GALNT5: variants seen among roughly 807,000 people sequenced by gnomAD.
The protein encoded by GALNT5 is polypeptide N-acetylgalactosaminyltransferase 5.
Under a neutral mutation model 85.4 loss-of-function variants are expected in GALNT5, and 72 were observed. That is an observed-to-expected ratio of 0.84 (90% CI 0.70 to 1.03). The LOEUF (loss-of-function observed/expected upper bound fraction) is 1.03, where lower values mean the gene tolerates loss of function less well. Among genes scored for constraint, GALNT5 ranks in the 50% least tolerant of loss-of-function variants. GALNT5 has a pLI of 0.00. For missense variants in GALNT5, 1,137 were observed against 1,135.5 expected (o/e 1.00, Z -0.02); for synonymous variants, 404 against 397.0 (o/e 1.02, Z -0.21).
chr2:157,298,197 TG>T (rs1373467498), intron 5 of GALNT5, among the ~76,000 whole-genome samples: 2 of 152,138 alleles, frequency 1.3e-5, no homozygotes, highest in Non-Finnish European at 2.9e-5. Context: ...CACCAAGGTC[TG>T]GGGGCAGGGA....
chr2:157,258,501 A>G lies in GALNT5; in HGVS notation c.419A>G (p.Asn140Ser), dbSNP rs1682245275. The G allele has an allele frequency of 6.2e-7, 1 of 1,609,864 alleles. No individual in the cohort carries two copies. Among genetic ancestry groups the G allele is most frequent in the Non-Finnish European group, 8.5e-7 (1 of 1,178,830 alleles). ...CTGCAGACCCTCCCTGTGACTCCTAACAAGCAGAAGACAGACGGGAGAGGC... is the reference window on the plus strand; with the variant it reads ...CTGCAGACCCTCCCTGTGACTCCTAGCAAGCAGAAGACAGACGGGAGAGGC... ...AHLQTLPVTP[N>S]KQKTDGRGTK... Residue 140 changes from asparagine to serine, a missense_variant, in exon 1 of 10, where the codon AAC (asparagine) becomes AGC (serine). Coordinates refer to ENST00000259056, the MANE Select transcript of GALNT5 (RefSeq NM_014568.3).
At position 157,314,659 on chromosome 2, in the gene GALNT5, C is replaced by T. The variant is rs1175227526; in HGVS notation, c.*3311C>T. On this transcript the variant is annotated 3_prime_UTR_variant, in exon 10 of 10. Transcript: ENST00000259056. ...CAATATTCCCAACCAACCTTGATTT[C>T]ATGAATGGCTTGTAATTATTTCTAG... is the stretch of plus-strand genomic sequence containing the variant. Among the ~76,000 whole-genome samples, 4 of 152,184 alleles carry T rather than the reference C, an allele frequency of 2.6e-5. No homozygotes were observed. Among genetic ancestry groups the T allele is most frequent in the African/African-American group, 7.2e-5 (3 of 41,436 alleles).
intron 3 of GALNT5, among the ~76,000 whole-genome samples, chr2:157,293,077 ACT>A (rs1003332343): frequency 1.3e-4 from 20 of 152,066 alleles, no homozygotes; most frequent in Admixed American, 1.1e-3. Context: ...CACCTACATG[ACT>A]CTGTGAGTCT....
At chr2:157,309,370 C>T (rs1338486003) in intron 9 of GALNT5, among the ~76,000 whole-genome samples, 1 of 152,214 alleles carries the variant, frequency 6.6e-6, no homozygotes, top group Non-Finnish European at 1.5e-5. Flanking sequence ...GGATACTTTT[C>T]TGAAGGTCCA....
chr2:157,269,774 A>G (rs969791561), intron 1 of GALNT5, among the ~76,000 whole-genome samples: 1 of 152,140 alleles, frequency 6.6e-6, no homozygotes, highest in Admixed American at 6.5e-5. Context: ...CTAATTTAAA[A>G]TATAGGAAGA....
At chr2:157,290,112 T>TATAC (rs1416458086) in intron 3 of GALNT5, among the ~76,000 whole-genome samples, 1 of 138,234 alleles carries the variant, frequency 7.2e-6, no homozygotes, top group African/African-American at 3.1e-5. Flanking sequence ...TATATATATA[T>TATAC]ACATACACAA....
At chr2:157,309,922 T>C (rs1683531794) in intron 9 of GALNT5, among the ~76,000 whole-genome samples, 1 of 152,048 alleles carries the variant, frequency 6.6e-6, no homozygotes, top group Non-Finnish European at 1.5e-5. Flanking sequence ...AAACATGCAG[T>C]GTAGTGAATA....
In GALNT5 at chr2:157,313,727, T is replaced by G. The variant is rs937760061; in HGVS notation, c.*2379T>G. ...CTTTGGGTATATCAACTAAAGGAAG[T>G]TGGATTTTTTTCCTTAACAGAAACT... On this transcript the variant is annotated 3_prime_UTR_variant, in exon 10 of 10. Transcript: ENST00000259056. The G allele has an allele frequency of 3.3e-5, 5 of 152,118 alleles. No homozygotes were observed. Among genetic ancestry groups the G allele is most frequent in the African/African-American group, 1.2e-4 (5 of 41,424 alleles). 9.4% of individuals were successfully genotyped at this position (152,118 alleles called of 1,614,324 possible).
chr2:157,276,694 A>G (rs1682734705), intron 1 of GALNT5, among the ~76,000 whole-genome samples: 1 of 151,842 alleles, frequency 6.6e-6, no homozygotes, highest in African/African-American at 2.4e-5. Flanking sequence ...TTTTTATTGC[A>G]TCTATTTGAT....
chr2:157,265,563 G>C (rs1682439258), intron 1 of GALNT5, among the ~76,000 whole-genome samples: 1 of 152,208 alleles, frequency 6.6e-6, no homozygotes, highest in East Asian at 1.9e-4. Context: ...GCAGGAATTT[G>C]AAAGAAGTAT....
At chr2:157,262,966 T>TA (rs1682380986) in intron 1 of GALNT5, among the ~76,000 whole-genome samples, 1 of 150,972 alleles carries the variant, frequency 6.6e-6, no homozygotes, top group Non-Finnish European at 1.5e-5. Flanking sequence ...TAGCTGGGAC[T>TA]ACAGGCACCC....
At chr2:157,298,958 CCGGAAG>C (rs1175590822) in intron 5 of GALNT5, 1 of 152,152 alleles carries the variant, frequency 6.6e-6, no homozygotes, top group African/African-American at 2.4e-5. Flanking sequence ...GACCGGAAGA[CCGGAAG>C]ACCAGAAGAC....
intron 1 of GALNT5, among the ~76,000 whole-genome samples, chr2:157,274,296 C>A (rs1178010315): frequency 6.6e-6 from 1 of 152,152 alleles, no homozygotes; most frequent in Non-Finnish European, 1.5e-5. Flanking sequence ...GTACATGTGT[C>A]TTTATAGTAG....
rs1292694926 is a variant in GALNT5 at position 157,317,198 on chromosome 2, A to ATAT, written c.*5851_*5852insATT. 9.6e-4 allele frequency among the ~76,000 whole-genome samples: 127 copies of ATAT among 132,972 alleles called. No homozygotes were observed. The highest frequency in any genetic ancestry group is 1.9e-3 in the African/African-American group (67 of 35,576). 87.2% of individuals were successfully genotyped at this position (132,972 alleles called of 152,430 possible). On this transcript the variant is annotated 3_prime_UTR_variant, in exon 10 of 10. Coordinates refer to ENST00000259056, the MANE Select transcript of GALNT5 (RefSeq NM_014568.3). Reference sequence around the variant, plus strand: ...TGTATATATATATATATATATATATATTTTTTTTTTTGATGCTTTGATCTG... The same window carrying ATAT: ...TGTATATATATATATATATATATATATATTTTTTTTTTTTGATGCTTTGATCTG...
At chr2:157,283,246 T>C (rs557354470) in intron 1 of GALNT5, among the ~76,000 whole-genome samples, 1 of 152,312 alleles carries the variant, frequency 6.6e-6, no homozygotes, top group South Asian at 2.1e-4. Context: ...TGAAATAATA[T>C]AGAATGCTTA....
chr2:157,303,409 A>G (rs1683389233), intron 7 of GALNT5, among the ~76,000 whole-genome samples: 1 of 152,240 alleles, frequency 6.6e-6, no homozygotes, highest in Non-Finnish European at 1.5e-5. Context: ...ATGTTTAACA[A>G]TTCTGTCATA....
At chr2:157,304,698 C>T (rs1683416476) in intron 7 of GALNT5, among the ~76,000 whole-genome samples, 1 of 152,168 alleles carries the variant, frequency 6.6e-6, no homozygotes, top group South Asian at 2.1e-4. Flanking sequence ...TCTTGCCAAC[C>T]TTTGCAAGTT....
chr2:157,304,438 G>C (rs1442912928), intron 7 of GALNT5, among the ~76,000 whole-genome samples: 10 of 152,312 alleles, frequency 6.6e-5, no homozygotes, highest in Admixed American at 5.9e-4. Context: ...AGTCTGTGAT[G>C]GTTCCTATCC....
chr2:157,308,564 C>T lies in GALNT5; in HGVS notation c.2521-3C>T. 6.2e-7 allele frequency: 1 copy of T among 1,600,852 alleles called. No homozygotes were observed. On this transcript the variant is annotated splice_polypyrimidine_tract_variant and splice_region_variant and intron_variant, in intron 8 of 9. Coordinates refer to ENST00000259056, the MANE Select transcript of GALNT5 (RefSeq NM_014568.3). ...GTGACCTCTTTATTCATTTCCCCCA[C>T]AGCTTCAACAATTTAATTACACCTG...
Sources: gnomAD v4.1 joint callset for allele counts (sites outside exome capture counted in the v4.1 genomes callset) on GRCh38, gnomAD v4.1.1 for gene constraint, MANE v1.5 for transcripts, NCBI Gene and HGNC (gene_info 2026-07-23, HGNC 2026-07-21) for gene names.